The following CEP192 variants were observed in gnomAD, a reference collection of about 807,000 sequenced individuals.
CEP192 encodes centrosomal protein of 192 kDa.
A neutral mutation model predicts 271.8 loss-of-function variants in CEP192; 151 were observed. The ratio of observed to expected loss-of-function variants is 0.56; its 90% CI spans 0.49 to 0.64. The LOEUF (loss-of-function observed/expected upper bound fraction) is 0.64, where lower values mean the gene tolerates loss of function less well. Among genes scored for constraint, CEP192 ranks in the 30% least tolerant of loss-of-function variants. The probability of loss-of-function intolerance (pLI) is 0.00; values close to 1 mark genes in which losing one functional copy is unlikely to be tolerated. For missense variants in CEP192, 2,910 were observed against 3,020.5 expected (o/e 0.96, Z 0.86); for synonymous variants, 995 against 1,076.5 (o/e 0.92, Z 1.48).
rs186019884 is a variant in CEP192, at chr18:13,004,479, C to T, written c.290+2897C>T. Among the ~76,000 whole-genome samples the T allele has an allele frequency of 4.5e-4, 68 of 152,178 alleles. 1 individual carries two copies. The highest frequency in any genetic ancestry group is 1.3e-4 in the Non-Finnish European group (9 of 68,000). On this transcript the variant is annotated intron_variant, in intron 3 of 44. Coordinates refer to ENST00000506447, the MANE Select transcript of CEP192 (RefSeq NM_032142.4). ...GGGGAGTGGCTTTAGCTGGGTAGGACTGCGGACAGTTCCCCTGCGGGAACA... is the reference window on the plus strand; with the variant it reads ...GGGGAGTGGCTTTAGCTGGGTAGGATTGCGGACAGTTCCCCTGCGGGAACA...
chr18:13,030,034 G>T, intron 10 of CEP192, 32 bp downstream of exon 10: 1 of 1,409,478 alleles, frequency 7.1e-7, no homozygotes, highest in East Asian at 2.5e-5. Flanking sequence ...TAGAGTGAAA[G>T]AAATAGATGT....
intron 40 of CEP192, among the ~76,000 whole-genome samples, chr18:13,109,887 T>A (rs2040131118): frequency 6.6e-6 from 1 of 152,004 alleles, no homozygotes; most frequent in African/African-American, 2.4e-5. Flanking sequence ...AGTTAAAAAT[T>A]CAAAAAAACT....
intron 30 of CEP192, 41 bp downstream of exon 30, chr18:13,073,226 T>C (rs1161399025): frequency 1.9e-5 from 28 of 1,504,944 alleles, no homozygotes; most frequent in Non-Finnish European, 2.4e-5. Flanking sequence ...CTGGAGTTTA[T>C]GCCATTTTAT....
chr18:13,093,801 A>G (rs893008951), intron 34 of CEP192, among the ~76,000 whole-genome samples: 2 of 152,250 alleles, frequency 1.3e-5, no homozygotes, highest in African/African-American at 2.4e-5. Context: ...TTTACCGCAA[A>G]TAATTCTAGA....
chr18:13,005,470 A>G (rs2033923976), intron 3 of CEP192, among the ~76,000 whole-genome samples: 1 of 152,176 alleles, frequency 6.6e-6, no homozygotes, highest in African/African-American at 2.4e-5. Context: ...TGCTGTGAGG[A>G]AACTGCAAAT....
At chr18:13,066,919 A>G (rs2037730862) in intron 21 of CEP192, among the ~76,000 whole-genome samples, 1 of 149,972 alleles carries the variant, frequency 6.7e-6, no homozygotes, top group Admixed American at 6.6e-5. Context: ...TTTGATCTCT[A>G]CTTATTTTGT....
At chr18:13,106,656 C>T (rs555006762) in intron 40 of CEP192, among the ~76,000 whole-genome samples, 3 of 151,708 alleles carry the variant, frequency 2.0e-5, no homozygotes, top group Admixed American at 1.3e-4. Context: ...CAACCATACC[C>T]CACACAGGTA....
At chr18:13,053,537 A>G (rs1357966761) in intron 18 of CEP192, among the ~76,000 whole-genome samples, 5 of 152,202 alleles carry the variant, frequency 3.3e-5, no homozygotes, top group Non-Finnish European at 7.3e-5. Context: ...TGGGCACTCC[A>G]GGAAGTTTAG....
intron 9 of CEP192, among the ~76,000 whole-genome samples, chr18:13,028,899 T>G (rs1334241711): frequency 1.3e-5 from 2 of 152,244 alleles, no homozygotes; most frequent in Non-Finnish European, 2.9e-5. Context: ...ACCTATGTCT[T>G]TCTTATTCGA....
At chr18:13,119,905 G>A (rs1046761855) in intron 44 of CEP192, among the ~76,000 whole-genome samples, 6 of 152,178 alleles carry the variant, frequency 3.9e-5, no homozygotes, top group East Asian at 1.9e-4. Context: ...TAAAATAAAC[G>A]TGTCAAATTA....
intron 9 of CEP192, among the ~76,000 whole-genome samples, chr18:13,028,103 G>A (rs564919120): frequency 4.6e-4 from 70 of 152,160 alleles, no homozygotes; most frequent in Non-Finnish European, 1.3e-4. Context: ...TGGTTCTCCC[G>A]GCTTCTGCTG....
intron 40 of CEP192, among the ~76,000 whole-genome samples, chr18:13,106,812 C>T (rs2039978805): frequency 6.6e-6 from 1 of 152,246 alleles, no homozygotes; most frequent in Non-Finnish European, 1.5e-5. Context: ...TCAACTACAA[C>T]CACACCCCAC....
chr18:13,055,541 G>T (rs752622617), intron 18 of CEP192, among the ~76,000 whole-genome samples: 1 of 152,164 alleles, frequency 6.6e-6, no homozygotes, highest in Non-Finnish European at 1.5e-5. Context: ...TATTCTTAGT[G>T]TATACCTCCT....
At chr18:13,046,383 C>T (rs1396848595) in intron 15 of CEP192, among the ~76,000 whole-genome samples, 1 of 152,216 alleles carries the variant, frequency 6.6e-6, no homozygotes, top group Non-Finnish European at 1.5e-5. Flanking sequence ...AACTATATCA[C>T]AGTCTTTCTA....
At chr18:13,000,810 A>G (rs1003694665) in intron 2 of CEP192, among the ~76,000 whole-genome samples, 1 of 152,184 alleles carries the variant, frequency 6.6e-6, no homozygotes, top group African/African-American at 2.4e-5. Flanking sequence ...AACATTAGCC[A>G]GGCGTGATGG....
intron 1 of CEP192, among the ~76,000 whole-genome samples, chr18:12,998,585 A>G (rs2033406235): frequency 6.6e-6 from 1 of 152,218 alleles, no homozygotes; most frequent in African/African-American, 2.4e-5. Context: ...TTCTTGGCTC[A>G]TGTTTATCAT....
chr18:13,022,190 G>T (rs558796308), intron 9 of CEP192, among the ~76,000 whole-genome samples: 1 of 151,492 alleles, frequency 6.6e-6, no homozygotes, highest in Non-Finnish European at 1.5e-5. Flanking sequence ...ATATTTATGT[G>T]GGTCAGTTTT....
At position 13,059,277 on chromosome 18, in the gene CEP192, A is replaced by G. The variant is rs1219565783; in HGVS notation, c.4453A>G (p.Thr1485Ala). Residue 1485 changes from threonine (T) to alanine (A), a missense_variant, in exon 21 of 45, where the codon ACT (threonine) becomes GCT (alanine). Transcript: ENST00000506447. ...VQAEALASTV[T>A]LTAIAESPVI... The stretch of plus-strand genomic sequence containing the variant: ...GGCAGAAGCTTTGGCCAGCACCGTC[A>G]CTCTCACTGCCATTGCCGAGAGTCC... 6 of 1,614,020 alleles carry G rather than the reference A, an allele frequency of 3.7e-6. No homozygotes were observed. Among genetic ancestry groups the G allele is most frequent in the Non-Finnish European group, 4.2e-6 (5 of 1,180,016 alleles).
At chr18:13,077,282 A>G (rs753528060) in intron 30 of CEP192, among the ~76,000 whole-genome samples, 7 of 152,174 alleles carry the variant, frequency 4.6e-5, no homozygotes, top group East Asian at 3.9e-4. Flanking sequence ...AAACTCCACA[A>G]TGCTCCAGAA....
Sources: gnomAD v4.1 joint callset for allele counts (sites outside exome capture counted in the v4.1 genomes callset) on GRCh38, gnomAD v4.1.1 for gene constraint, MANE v1.5 for transcripts, NCBI Gene and HGNC (gene_info 2026-07-23, HGNC 2026-07-21) for gene names.